CRYBG1: variants seen among roughly 807,000 people sequenced by gnomAD.
CRYBG1 encodes beta/gamma crystallin domain-containing protein 1.
Under a neutral mutation model 189.2 loss-of-function variants are expected in CRYBG1, and 139 were observed. The observed-to-expected ratio is 0.73, with a 90% CI of 0.64 to 0.85. The LOEUF is 0.85. CRYBG1 is among the 40% of genes least tolerant of loss of function. The probability of loss-of-function intolerance (pLI) is 0.00; values close to 1 mark genes in which losing one functional copy is unlikely to be tolerated. For missense variants in CRYBG1, 2,611 were observed against 2,675.8 expected (o/e 0.98, Z 0.53); for synonymous variants, 1,023 against 1,017.1 (o/e 1.01, Z -0.11).
intron 2 of CRYBG1, among the ~76,000 whole-genome samples, chr6:106,460,279 C>T (rs1771982779): frequency 6.6e-6 from 1 of 152,206 alleles, no homozygotes; most frequent in Non-Finnish European, 1.5e-5. Context: ...GCGTGAGCCA[C>T]CGCGCCCAGC....
intron 1 of CRYBG1, among the ~76,000 whole-genome samples, chr6:106,409,941 T>C (rs529041789): frequency 1.3e-5 from 2 of 152,170 alleles, no homozygotes; most frequent in African/African-American, 4.8e-5. Context: ...ACCTAGGCAA[T>C]ACCATCGGGA....
intron 1 of CRYBG1, among the ~76,000 whole-genome samples, chr6:106,373,127 G>C (rs1276794763): frequency 6.6e-6 from 1 of 152,146 alleles, no homozygotes; most frequent in Non-Finnish European, 1.5e-5. Context: ...TCCTCCTTTT[G>C]ATTACATGCA....
chr6:106,519,727 C>T lies in CRYBG1; in HGVS notation c.2519C>T (p.Thr840Ile). Residue 840 changes from threonine to isoleucine, a missense_variant, in exon 4 of 22, where the codon ACC becomes ATC. This residue lies in a region of CRYBG1 where 1,622 missense variants were observed against 1,735.0 expected (regional missense o/e 0.93). Coordinates refer to ENST00000633556, the MANE Select transcript of CRYBG1 (RefSeq NM_001371242.2). Reference sequence around the variant, plus strand: ...ACCGATACAGCACAAGACATCCCCACCACTGTGGATACCAAAGATTTACCT... The same window carrying T: ...ACCGATACAGCACAAGACATCCCCATCACTGTGGATACCAAAGATTTACCT... Reference protein sequence around the residue: ...NVTDTAQDIPTTVDTKDLPPT... With the variant: ...NVTDTAQDIPITVDTKDLPPT... 6.2e-7 allele frequency: 1 copy of T among 1,614,202 alleles called. No homozygotes were observed. Among genetic ancestry groups the T allele is most frequent in the Non-Finnish European group, 8.5e-7 (1 of 1,180,046 alleles).
chr6:106,495,898 A>G (rs1005459514), intron 2 of CRYBG1, among the ~76,000 whole-genome samples: 1 of 150,798 alleles, frequency 6.6e-6, no homozygotes, highest in African/African-American at 2.4e-5. Flanking sequence ...AACTCCTTGG[A>G]AAAAGACTAG....
intron 1 of CRYBG1, among the ~76,000 whole-genome samples, chr6:106,400,949 C>T (rs1024339978): frequency 1.4e-4 from 22 of 152,112 alleles, no homozygotes; most frequent in Non-Finnish European, 2.1e-4. Context: ...TGAAAGTGCA[C>T]GGGCTTTGGG....
At position 106,561,341 on chromosome 6, in the gene CRYBG1, G is replaced by A. The variant is rs764842013; in HGVS notation, c.5980-1G>A. ...CAACTGCTGGGGGTTTTGTCTTCTA[G>A]AAGCGAATTTATTTCAGACTTCGAA... On this transcript the variant is annotated splice_acceptor_variant, in intron 19 of 21. Coordinates refer to ENST00000633556, the MANE Select transcript of CRYBG1 (RefSeq NM_001371242.2). LOFTEE classifies it high-confidence loss of function. 44 of 1,613,700 alleles carry A rather than the reference G, an allele frequency of 2.7e-5. No homozygotes were observed. The highest frequency in any genetic ancestry group is 3.5e-5 in the Non-Finnish European group (41 of 1,179,804).
chr6:106,544,743 T>C (rs1774224241), intron 12 of CRYBG1, 45 bp from the exon 13 acceptor site: 2 of 1,607,264 alleles, frequency 1.2e-6, no homozygotes, highest in South Asian at 2.2e-5. Flanking sequence ...CTTCTTTGGA[T>C]AATAAATGGC....
chr6:106,445,146 A>G (rs6928426), intron 1 of CRYBG1, among the ~76,000 whole-genome samples: 1 of 151,886 alleles, frequency 6.6e-6, no homozygotes, highest in Non-Finnish European at 1.5e-5. Context: ...ATTGGCAACA[A>G]GAAATACTTG....
intron 2 of CRYBG1, among the ~76,000 whole-genome samples, chr6:106,495,502 C>T (rs1213403443): frequency 6.6e-6 from 1 of 151,212 alleles, no homozygotes; most frequent in Non-Finnish European, 1.5e-5. Flanking sequence ...AGTAACTTCA[C>T]AATGTATTTA....
chr6:106,548,032 G>A (rs189256583), intron 13 of CRYBG1, among the ~76,000 whole-genome samples: 4 of 152,144 alleles, frequency 2.6e-5, no homozygotes, highest in African/African-American at 7.2e-5. Flanking sequence ...GGCCTTCCAC[G>A]GAAGGGCAGG....
rs1390222632 is a variant in CRYBG1 at position 106,539,371 on chromosome 6, T to A, written c.4719-32T>A. ...AAACTGAAACAAATGATGAGTCGGC[T>A]CCCTTTCTTTCCTTCCATGGTGGCT... On this transcript the variant is annotated intron_variant, in intron 8 of 21. Transcript: ENST00000633556. 3 of 1,610,322 alleles carry A rather than the reference T, an allele frequency of 1.9e-6. No homozygotes were observed. The Admixed American group carries it at 5.1e-5, about 27-fold the overall frequency.
At chr6:106,487,134 A>G (rs1326770600) in intron 2 of CRYBG1, among the ~76,000 whole-genome samples, 1 of 152,178 alleles carries the variant, frequency 6.6e-6, no homozygotes, top group East Asian at 1.9e-4. Context: ...TCTTGTAATT[A>G]TAATAGACTA....
chr6:106,543,085 T>A (rs1338073312), intron 10 of CRYBG1, among the ~76,000 whole-genome samples: 1 of 151,342 alleles, frequency 6.6e-6, no homozygotes, highest in Non-Finnish European at 1.5e-5. Flanking sequence ...CAGGCTGGAG[T>A]GCAGTGACGT....
At chr6:106,485,131 GAT>G (rs1422115740) in intron 2 of CRYBG1, among the ~76,000 whole-genome samples, 1 of 152,282 alleles carries the variant, frequency 6.6e-6, no homozygotes, top group African/African-American at 2.4e-5. Context: ...ATGGACAGAA[GAT>G]AGCTTTCCAT....
intron 1 of CRYBG1, among the ~76,000 whole-genome samples, chr6:106,388,037 GC>G (rs1770423944): frequency 6.6e-6 from 1 of 152,094 alleles, no homozygotes; most frequent in Admixed American, 6.6e-5. Flanking sequence ...CCTGGTTTAT[GC>G]CTGTTTTCCC....
At chr6:106,361,952 C>CTT (rs201802728) in intron 1 of CRYBG1, among the ~76,000 whole-genome samples, 1 of 48,278 alleles carries the variant, frequency 2.1e-5, no homozygotes, top group African/African-American at 9.6e-5. Context: ...CATGGTTTTC[C>CTT]TTTTATTTCT....
intron 18 of CRYBG1, among the ~76,000 whole-genome samples, chr6:106,560,490 T>C (rs943342144): frequency 1.3e-5 from 2 of 152,228 alleles, no homozygotes; most frequent in Non-Finnish European, 2.9e-5. Context: ...CAACTGAAGC[T>C]ATTTTATGAA....
In CRYBG1 at chr6:106,447,710, A is replaced by G. The variant is rs1771693787; in HGVS notation, c.174-3984A>G. ...GTTGGCTTTTAGGCTAGGGAGACTT[A>G]TCTATGTGTAGTTCCAGAGGTAACC... On this transcript the variant is annotated intron_variant, in intron 1 of 21. Coordinates refer to ENST00000633556, the MANE Select transcript of CRYBG1 (RefSeq NM_001371242.2). 2.0e-5 allele frequency among the ~76,000 whole-genome samples: 3 copies of G among 152,070 alleles called. No homozygotes were observed. In the South Asian group the frequency reaches 6.2e-4, roughly 32 times the overall value.
intron 2 of CRYBG1, 32 bp downstream of exon 2, chr6:106,451,864 A>C (rs944221457): frequency 6.6e-6 from 10 of 1,525,116 alleles, no homozygotes; most frequent in Non-Finnish European, 8.8e-6. Context: ...TTGACTCCCA[A>C]GAATAAACCC....
Sources: gnomAD v4.1 joint callset for allele counts (sites outside exome capture counted in the v4.1 genomes callset) on GRCh38, gnomAD v4.1.1 for gene constraint, gnomAD v4.1.1 regional missense constraint, MANE v1.5 for transcripts, NCBI Gene and HGNC (gene_info 2026-07-23, HGNC 2026-07-21) for gene names.